Variants in CYP39A1 observed in about 807,000 individuals in gnomAD.
CYP39A1 encodes the protein 24-hydroxycholesterol 7-alpha-hydroxylase.
CYP39A1 carries 49 observed loss-of-function variants against 58.1 expected under a neutral mutation model. That is an observed-to-expected ratio of 0.84 (90% confidence interval 0.67 to 1.07). The LOEUF is 1.07. CYP39A1 is among the 50% of genes least tolerant of loss of function. CYP39A1 has a pLI of 0.00. For synonymous variants in CYP39A1, 209 were observed against 187.6 expected (o/e 1.11, Z -0.93); for missense variants, 531 against 539.4 (o/e 0.98, Z 0.16).
In CYP39A1 at chr6:46,610,026, C is replaced by T. The variant is rs117937836; in HGVS notation, c.932-13906G>A. Among the ~76,000 whole-genome samples the T allele has an allele frequency of 1.1e-3, 168 of 152,210 alleles. 5 individuals carry two copies. In the South Asian group the frequency reaches 0.012, roughly 11 times the overall value. On this transcript the variant is annotated intron_variant, in intron 7 of 11. Coordinates refer to ENST00000275016, the MANE Select transcript of CYP39A1 (RefSeq NM_016593.5). Reference sequence around the variant, plus strand: ...ATGTCTTTTCACTCACCGCTATCCCCGCAAATTCTTTATAGGTTCTCTCCA... The same window carrying T: ...ATGTCTTTTCACTCACCGCTATCCCTGCAAATTCTTTATAGGTTCTCTCCA...
At position 46,631,035 on chromosome 6, in the gene CYP39A1, C is replaced by T. The variant is rs140789265; in HGVS notation, c.768G>A (p.Thr256=). ...TGGGTGAGTTTTCCTTACTTGTTTC[C>T]GTCTCTACAATATCCAGCGTAGCTT... ...LLQATLDIVE[T]ETSKENSPNY... Residue 256 remains threonine, a synonymous_variant, in exon 6 of 12, where the codon ACG becomes ACA. Coordinates refer to ENST00000275016, the MANE Select transcript of CYP39A1 (RefSeq NM_016593.5). 3.2e-4 allele frequency: 512 copies of T among 1,613,942 alleles called. 3 individuals are homozygous for T. The East Asian group carries it at 8.1e-3, about 26-fold the overall frequency.
At chr6:46,590,242 A>G (rs982160264) in intron 8 of CYP39A1, among the ~76,000 whole-genome samples, 1 of 152,200 alleles carries the variant, frequency 6.6e-6, no homozygotes, top group Admixed American at 6.5e-5. Flanking sequence ...GTGTGTTGCA[A>G]GAACTGCATC....
At chr6:46,595,358 C>A (rs546593094) in intron 8 of CYP39A1, among the ~76,000 whole-genome samples, 1 of 151,854 alleles carries the variant, frequency 6.6e-6, no homozygotes, top group East Asian at 1.9e-4. Flanking sequence ...ATCTGCACTC[C>A]CATGTTTATA....
At chr6:46,569,943 T>C (rs764127668) in intron 10 of CYP39A1, among the ~76,000 whole-genome samples, 5 of 152,154 alleles carry the variant, frequency 3.3e-5, no homozygotes, top group African/African-American at 4.8e-5. Context: ...AGAATTTGTA[T>C]TAATTCTTTA....
chr6:46,569,180 T>C (rs1771450807), intron 10 of CYP39A1, among the ~76,000 whole-genome samples: 1 of 152,120 alleles, frequency 6.6e-6, no homozygotes, highest in African/African-American at 2.4e-5. Context: ...CCTTGTCAGA[T>C]TGTTCAGTTA....
At chr6:46,630,825 A>T in intron 6 of CYP39A1, 138 bp downstream of exon 6, 1 of 706,976 alleles carries the variant, frequency 1.4e-6, no homozygotes, top group Non-Finnish European at 2.3e-6. Flanking sequence ...TTTTTATCTC[A>T]CAACCAAATC....
At chr6:46,566,073 G>T (rs1358170306) in intron 10 of CYP39A1, among the ~76,000 whole-genome samples, 4 of 152,122 alleles carry the variant, frequency 2.6e-5, no homozygotes, top group Non-Finnish European at 5.9e-5. Flanking sequence ...AGCCCTTCTC[G>T]ATTTGACATA....
At chr6:46,557,309 A>AT (rs1409238886) in intron 10 of CYP39A1, among the ~76,000 whole-genome samples, 1 of 151,640 alleles carries the variant, frequency 6.6e-6, no homozygotes, top group Non-Finnish European at 1.5e-5. Flanking sequence ...GAAAACTATA[A>AT]TTTACAGATC....
intron 10 of CYP39A1, among the ~76,000 whole-genome samples, chr6:46,556,068 G>A (rs1052336166): frequency 1.3e-5 from 2 of 152,140 alleles, no homozygotes; most frequent in Non-Finnish European, 1.5e-5. Flanking sequence ...TCACAACTAA[G>A]GTTTTGTCAA....
At chr6:46,578,563 G>A (rs1486654655) in intron 10 of CYP39A1, among the ~76,000 whole-genome samples, 5 of 151,688 alleles carry the variant, frequency 3.3e-5, no homozygotes, top group Admixed American at 6.6e-5. Context: ...GAAAAAAAAA[G>A]AGAAAAGATC....
intron 7 of CYP39A1, among the ~76,000 whole-genome samples, chr6:46,599,560 T>C (rs1883853): frequency 6.6e-6 from 1 of 152,114 alleles, no homozygotes; most frequent in African/African-American, 2.4e-5. Flanking sequence ...AGTCTGCTCA[T>C]ACCAGATGAA....
At chr6:46,642,837 C>T (rs7452579) in intron 1 of CYP39A1, among the ~76,000 whole-genome samples, 2 of 152,172 alleles carry the variant, frequency 1.3e-5, no homozygotes, top group African/African-American at 4.8e-5. Context: ...GTGTCCCTGC[C>T]TTGTAACTCA....
At chr6:46,557,615 C>A (rs1481893330) in intron 10 of CYP39A1, among the ~76,000 whole-genome samples, 1 of 148,946 alleles carries the variant, frequency 6.7e-6, no homozygotes, top group Admixed American at 6.7e-5. Context: ...TACACTCCAG[C>A]CTGGGCAACA....
chr6:46,602,922 A>AGG (rs1773600514), intron 7 of CYP39A1, among the ~76,000 whole-genome samples: 7 of 20,770 alleles, frequency 3.4e-4, no homozygotes, highest in African/African-American at 1.7e-3. Context: ...TAAATATAAA[A>AGG]TGGGGGGGGG....
At chr6:46,569,636 T>A (rs1771476092) in intron 10 of CYP39A1, among the ~76,000 whole-genome samples, 1 of 152,082 alleles carries the variant, frequency 6.6e-6, no homozygotes, top group Non-Finnish European at 1.5e-5. Context: ...AATCATATAA[T>A]TTTTGCTTTT....
At position 46,605,052 on chromosome 6, in the gene CYP39A1, C is replaced by T. The variant is rs114305920; in HGVS notation, c.932-8932G>A. 6.8e-3 allele frequency among the ~76,000 whole-genome samples: 1,023 copies of T among 150,586 alleles called. 13 individuals carry two copies. Among genetic ancestry groups the T allele is most frequent in the African/African-American group, 0.023 (949 of 41,120 alleles). On this transcript the variant is annotated intron_variant, in intron 7 of 11. Transcript: ENST00000275016. ...CAAAATCTCATAATGTTTTAAGAAA[C>T]TTTACAAGTTTGTGTTGGGTCAAAC...
intron 8 of CYP39A1, among the ~76,000 whole-genome samples, chr6:46,591,430 T>C (rs1387436020): frequency 6.6e-6 from 1 of 152,064 alleles, no homozygotes; most frequent in African/African-American, 2.4e-5. Flanking sequence ...TTCAAATCTG[T>C]TTATCCTTTT....
At chr6:46,580,460 TAA>T (rs1283223723) in intron 10 of CYP39A1, among the ~76,000 whole-genome samples, 5 of 152,142 alleles carry the variant, frequency 3.3e-5, no homozygotes, top group African/African-American at 1.2e-4. Context: ...GATTTCATGA[TAA>T]AGTCTCCAAA....
At chr6:46,619,540 G>T (rs1774830924) in intron 7 of CYP39A1, among the ~76,000 whole-genome samples, 1 of 151,924 alleles carries the variant, frequency 6.6e-6, no homozygotes, top group Admixed American at 6.6e-5. Flanking sequence ...GCAGAGTTGG[G>T]GAAAGTGACT....
Sources: allele counts gnomAD v4.1 joint callset (sites outside exome capture counted in the v4.1 genomes callset), GRCh38; gene constraint gnomAD v4.1.1; transcripts MANE v1.5; gene names NCBI Gene and HGNC (gene_info 2026-07-23, HGNC 2026-07-21).